Variants in NPY observed in about 807,000 individuals in gnomAD.
NPY encodes the protein neuropeptide Y.
In NPY, 11 loss-of-function variants were observed where a neutral mutation model predicts 13.2. That is an observed-to-expected ratio of 0.83 (90% CI 0.52 to 1.38). The LOEUF (loss-of-function observed/expected upper bound fraction) is 1.38. Among genes scored for constraint, NPY ranks in the 40% most tolerant of loss-of-function variants. The pLI, the probability that NPY is intolerant of heterozygous loss-of-function variation, is 0.00. For missense variants in NPY, 109 were observed against 125.1 expected (o/e 0.87, Z 0.61); for synonymous variants, 51 against 55.6 (o/e 0.92, Z 0.37).
In NPY at chr7:24,285,082, G is replaced by A; in HGVS notation, c.1-159G>A. ...CGGCGCCCGGAGCCCGCAAGGTGGT[G>A]CTAGCCACTCCTGGGTTCTCTCTGC... On this transcript the variant is annotated intron_variant, in intron 1 of 3. Coordinates refer to ENST00000242152, the MANE Select transcript of NPY (RefSeq NM_000905.4). The surrounding 1 kb of genome is among the most constrained non-coding windows in gnomAD (Gnocchi z 4.9). 1 of 751,358 alleles carries A rather than the reference G, an allele frequency of 1.3e-6. No individual in the cohort carries two copies. The highest frequency in any genetic ancestry group is 1.7e-5 in the South Asian group (1 of 59,008). 46.5% of individuals were successfully genotyped at this position (751,358 alleles called of 1,614,324 possible). A position where few individuals can be genotyped will look rare whatever the true frequency, so the allele number is the denominator to read the frequency against.
chr7:24,290,134 G>A (rs1323267913), intron 3 of NPY, among the ~76,000 whole-genome samples: 2 of 152,140 alleles, frequency 1.3e-5, no homozygotes, highest in Non-Finnish European at 2.9e-5. Context: ...AATGCACGTT[G>A]AATGACAGTA....
intron 2 of NPY, among the ~76,000 whole-genome samples, chr7:24,286,659 T>G (rs1787393792): frequency 6.6e-6 from 1 of 152,190 alleles, no homozygotes; most frequent in East Asian, 1.9e-4. Flanking sequence ...TTATATAGAA[T>G]CTGAAAAACA....
Position 24,291,711 on chromosome 7 carries a change from GC to G in NPY, c.*26del. The G allele has an allele frequency of 6.2e-7, 1 of 1,613,884 alleles. No homozygotes were observed. The highest frequency in any genetic ancestry group is 8.5e-7 in the Non-Finnish European group (1 of 1,179,884). ...GATGGGAAATGAGACTTGCTCTCTG[GC>G]CTTTTCCTATTTTCAGCCCATATTT... is the stretch of plus-strand genomic sequence containing the variant. On this transcript the variant is annotated 3_prime_UTR_variant, in exon 4 of 4. Transcript: ENST00000242152.
chr7:24,284,959 C>A, intron 1 of NPY: 1 of 530,594 alleles, frequency 1.9e-6, no homozygotes, highest in Non-Finnish European at 3.4e-6. Flanking sequence ...GGCGGGGCCC[C>A]CACCTTGCAC....
intron 3 of NPY, 102 bp downstream of exon 3, chr7:24,289,681 A>G (rs1400822335): frequency 4.2e-6 from 3 of 716,124 alleles, no homozygotes; most frequent in Non-Finnish European, 6.8e-6. Context: ...CCAGGCTTCT[A>G]GACTAGGGGA....
At position 24,285,484 on chromosome 7, in the gene NPY, T is replaced by C; in HGVS notation, c.188+56T>C. 1 of 1,542,772 alleles carries C rather than the reference T, an allele frequency of 6.5e-7. No homozygotes were observed. The highest frequency in any genetic ancestry group is 8.9e-7 in the Non-Finnish European group (1 of 1,126,842). On this transcript the variant is annotated intron_variant, in intron 2 of 3. Transcript: ENST00000242152. This position sits in a 1 kb window ranked among gnomAD's most constrained non-coding sequence, Gnocchi z 4.9. ...GCGCCAGTGCCTGCACACCAGGAGATCCTGGGGATGTTAGGGAAAGGGATT... is the reference window on the plus strand; with the variant it reads ...GCGCCAGTGCCTGCACACCAGGAGACCCTGGGGATGTTAGGGAAAGGGATT...
chr7:24,285,000 T>G, intron 1 of NPY: 1 of 576,310 alleles, frequency 1.7e-6, no homozygotes, highest in East Asian at 2.9e-5. Flanking sequence ...TCCCTGAGAC[T>G]TCGAACGAAG....
rs568363803 is a variant in NPY at position 24,285,136 on chromosome 7, C to A, written c.1-105C>A. 3 of 1,162,580 alleles carry A rather than the reference C, an allele frequency of 2.6e-6. No individual in the cohort carries two copies. The highest frequency in any genetic ancestry group is 3.0e-5 in the African/African-American group (2 of 66,764). 72.0% of individuals were successfully genotyped at this position (1,162,580 alleles called of 1,614,324 possible). On this transcript the variant is annotated intron_variant, in intron 1 of 3. Coordinates refer to ENST00000242152, the MANE Select transcript of NPY (RefSeq NM_000905.4). The surrounding 1 kb of genome is among the most constrained non-coding windows in gnomAD (Gnocchi z 4.9). ...ACTGGGACGAGAGCGGATTGGGGGT[C>A]GCGTGTGGTAGCAGGAGGAGGAGCG... is the stretch of plus-strand genomic sequence containing the variant.
At position 24,291,520 on chromosome 7, in the gene NPY, T is replaced by A; in HGVS notation, c.270-143T>A. On this transcript the variant is annotated intron_variant, in intron 3 of 3. Coordinates refer to ENST00000242152, the MANE Select transcript of NPY (RefSeq NM_000905.4). ...CCGCCTCACGATCTGATATTCCACA[T>A]GGCTTCTTATTTAGAATGCCAACAG... 3 of 868,782 alleles carry A rather than the reference T, an allele frequency of 3.5e-6. 1 individual carries two copies. The South Asian group carries it at 5.0e-5, about 15-fold the overall frequency. 53.8% of individuals were successfully genotyped at this position (868,782 alleles called of 1,614,324 possible). A position where few individuals can be genotyped will look rare whatever the true frequency, so the allele number is the denominator to read the frequency against.
intron 1 of NPY, chr7:24,284,926 A>G: frequency 2.2e-6 from 1 of 450,294 alleles, no homozygotes; most frequent in Non-Finnish European, 4.0e-6. Context: ...AAGAACTTCC[A>G]ATTCGGTTTT....
At chr7:24,286,901 CAGT>C (rs145452447) in intron 2 of NPY, among the ~76,000 whole-genome samples, 2,944 of 152,296 alleles carry the variant, frequency 0.019, 93 homozygotes, top group African/African-American at 0.067. Flanking sequence ...GCATAATACA[CAGT>C]AGAACTCATT....
chr7:24,291,561 TTCCCGG>T, intron 3 of NPY, 96 bp from the exon 4 acceptor site: 1 of 1,388,740 alleles, frequency 7.2e-7, no homozygotes, highest in Non-Finnish European at 1.0e-6. Context: ...TTTTCAACAG[TTCCCGG>T]TCATCTTTCA....
At chr7:24,287,945 G>A (rs1562801707) in intron 2 of NPY, among the ~76,000 whole-genome samples, 2 of 152,172 alleles carry the variant, frequency 1.3e-5, no homozygotes, top group Admixed American at 1.3e-4. Context: ...CTCCCCAGGT[G>A]ATTCTAATGT....
intron 3 of NPY, 137 bp downstream of exon 3, chr7:24,289,716 G>A: frequency 1.9e-6 from 1 of 526,026 alleles, no homozygotes; most frequent in East Asian, 3.2e-5. Flanking sequence ...TGAGGATGAA[G>A]AAGCAGGCAG....
In NPY at chr7:24,291,857, T is replaced by G. The variant is rs1787630851; in HGVS notation, c.*170T>G. ...TGTGTTTAAATAAAGTATCATGCAT[T>G]CAAAAGTGTATCCTCCTCAATGAAA... On this transcript the variant is annotated 3_prime_UTR_variant, in exon 4 of 4. Coordinates refer to ENST00000242152, the MANE Select transcript of NPY (RefSeq NM_000905.4). 1 of 649,186 alleles carries G rather than the reference T, an allele frequency of 1.5e-6. No homozygotes were observed. Among genetic ancestry groups the G allele is most frequent in the African/African-American group, 1.8e-5 (1 of 54,522 alleles). The allele number at this position is 649,186 out of a possible 1,614,324, so 40.2% of individuals were successfully genotyped here.
chr7:24,289,707 G>T, intron 3 of NPY, 128 bp downstream of exon 3: 1 of 562,224 alleles, frequency 1.8e-6, no homozygotes, highest in East Asian at 3.1e-5. Context: ...CGGCAGAAAT[G>T]AGGATGAAGA....
intron 2 of NPY, 110 bp from the exon 3 acceptor site, chr7:24,289,389 C>T: frequency 1.6e-6 from 1 of 634,014 alleles, no homozygotes; most frequent in East Asian, 2.7e-5. Flanking sequence ...CAGATGAACA[C>T]CTGACAATAA....
Position 24,291,600 on chromosome 7 carries a change from C to T in NPY, c.270-63C>T, listed in dbSNP as rs1361575186. 6.3e-6 allele frequency: 10 copies of T among 1,594,842 alleles called. No homozygotes were observed. The East Asian group carries it at 2.2e-4, about 36-fold the overall frequency. ...TCACTTCAGATCTAAATGTCTCACC[C>T]TTGCTCATACCTCAGGAAGTTGGGC... On this transcript the variant is annotated intron_variant, in intron 3 of 3. Transcript: ENST00000242152.
chr7:24,284,880 A>G, intron 1 of NPY: 3 of 345,536 alleles, frequency 8.7e-6, no homozygotes, highest in Non-Finnish European at 1.6e-5. Context: ...CCCAGACAAG[A>G]GTTTGGGCAA....
Sources: allele counts gnomAD v4.1 joint callset (sites outside exome capture counted in the v4.1 genomes callset), GRCh38; gene constraint gnomAD v4.1.1; non-coding constraint Gnocchi (gnomAD v3.1); transcripts MANE v1.5; gene names NCBI Gene and HGNC (gene_info 2026-07-23, HGNC 2026-07-21).